Variants in KCNC4 observed in about 807,000 individuals in gnomAD.
KCNC4 encodes the protein potassium voltage-gated channel subfamily C member 4, also known as voltage-gated potassium channel KCNC4.
In KCNC4, 23 loss-of-function variants were observed where a neutral mutation model predicts 42.8. The ratio of observed to expected loss-of-function variants is 0.54; its 90% CI spans 0.39 to 0.76. KCNC4 has a LOEUF of 0.76. KCNC4 is among the 30% of genes least tolerant of loss of function. The probability of loss-of-function intolerance (pLI) is 0.00; values close to 1 mark genes in which losing one functional copy is unlikely to be tolerated. For synonymous variants in KCNC4, 422 were observed against 393.5 expected, an observed-to-expected ratio of 1.07 and a Z score of -0.86; for missense variants, 751 against 898.2, an observed-to-expected ratio of 0.84 and a Z score of 2.10.
Position 110,217,813 on chromosome 1 carries a change from G to A in KCNC4, c.679-5151G>A, listed in dbSNP as rs149015849. Among the ~76,000 whole-genome samples, 112 of 152,254 alleles carry A rather than the reference G, an allele frequency of 7.4e-4. 1 individual carries two copies. The South Asian group carries it at 0.019, about 26-fold the overall frequency. Reference sequence around the variant, plus strand: ...TCTGCTGGGACCTAGGCCTTAGTGCGGGCCCTCAACCAGGAGCCAGGGATA... The same window carrying A: ...TCTGCTGGGACCTAGGCCTTAGTGCAGGCCCTCAACCAGGAGCCAGGGATA... On this transcript the variant is annotated intron_variant, in intron 1 of 3. Coordinates refer to ENST00000438661, the MANE Select transcript of KCNC4 (RefSeq NM_001039574.3).
exon 4 of KCNC4, chr1:110,247,440 G>A (rs893048334): frequency 2.0e-5 from 3 of 152,298 alleles, no homozygotes; most frequent in East Asian, 3.8e-4. Context: ...GAACTTCTGG[G>A]CTTGGGCAGT....
Position 110,211,763 on chromosome 1 carries a change from C to T in KCNC4, c.264C>T (p.Gly88=). The T allele has an allele frequency of 1.9e-6, 3 of 1,609,270 alleles. No individual in the cohort carries two copies. The highest frequency in any genetic ancestry group is 2.5e-6 in the Non-Finnish European group (3 of 1,178,790). ...GGGVGSSGSS[G]GGGCEFFFDR... ...GTGTGGGTAGCAGCGGCAGCAGCGGCGGCGGGGGCTGCGAGTTCTTCTTCG... is the reference window on the plus strand; with the variant it reads ...GTGTGGGTAGCAGCGGCAGCAGCGGTGGCGGGGGCTGCGAGTTCTTCTTCG... Residue 88 remains glycine, a synonymous_variant, in exon 1 of 4, where the codon GGC becomes GGT. Transcript: ENST00000438661. The surrounding 1 kb of genome is among the most constrained non-coding windows in gnomAD (Gnocchi z 6.5).
downstream of KCNC4, among the ~76,000 whole-genome samples, chr1:110,250,878 TGTTCC>T (rs1271637495): frequency 1.3e-5 from 2 of 152,182 alleles, no homozygotes; most frequent in East Asian, 3.9e-4. Context: ...AGCAGGTGGC[TGTTCC>T]TGAAGCCTCA....
intron 1 of KCNC4, among the ~76,000 whole-genome samples, chr1:110,280,267 C>G (rs1317446465): frequency 1.3e-5 from 2 of 152,110 alleles, no homozygotes; most frequent in African/African-American, 4.8e-5. Flanking sequence ...ATACCTAGGC[C>G]AGTGTGCCTC....
chr1:110,228,008 C>A (rs934402751), intron 3 of KCNC4, among the ~76,000 whole-genome samples: 1 of 152,130 alleles, frequency 6.6e-6, no homozygotes, highest in East Asian at 1.9e-4. Flanking sequence ...ATTAGAGTGA[C>A]CTTCGAGAGG....
At chr1:110,272,144 T>C (rs936425531) in intron 1 of KCNC4, among the ~76,000 whole-genome samples, 8 of 152,254 alleles carry the variant, frequency 5.3e-5, no homozygotes, top group Non-Finnish European at 1.0e-4. Flanking sequence ...CTGGACTGCC[T>C]TATGTGTTCT....
At chr1:110,259,413 AATCT>A (rs1294333713) in intron 1 of KCNC4, among the ~76,000 whole-genome samples, 1 of 152,228 alleles carries the variant, frequency 6.6e-6, no homozygotes, top group Non-Finnish European at 1.5e-5. Flanking sequence ...CTTATTCCAG[AATCT>A]TTCCTCCCCT....
At chr1:110,228,132 T>C (rs1162601428) in intron 3 of KCNC4, among the ~76,000 whole-genome samples, 1 of 152,154 alleles carries the variant, frequency 6.6e-6, no homozygotes, top group Non-Finnish European at 1.5e-5. Context: ...GCCGCACTTC[T>C]CCACACTCAG....
intron 1 of KCNC4, among the ~76,000 whole-genome samples, chr1:110,281,555 A>ACACACACACAC (rs71752517): frequency 0.02 from 2,739 of 140,378 alleles, 43 homozygotes; most frequent in Middle Eastern, 0.045. Flanking sequence ...CATATGTAAA[A>ACACACACACAC]ACACACACAC....
intron 1 of KCNC4, among the ~76,000 whole-genome samples, chr1:110,272,230 A>C (rs1659649002): frequency 1.3e-5 from 2 of 152,230 alleles, no homozygotes; most frequent in Admixed American, 6.5e-5. Flanking sequence ...TTGGCTGGTC[A>C]GCAGCCAATC....
chr1:110,240,428 C>G (rs1659006361), exon 4 of KCNC4: 1 of 152,460 alleles, frequency 6.6e-6, no homozygotes. Flanking sequence ...CTCCCCTCAG[C>G]TCCTCATATT....
At chr1:110,256,766 C>G (rs1369616118) in intron 1 of KCNC4, 1 of 154,782 alleles carries the variant, frequency 6.5e-6, no homozygotes, top group Non-Finnish European at 1.5e-5. Flanking sequence ...GAAGGAGGAC[C>G]TGGGCGTGTG....
intron 1 of KCNC4, among the ~76,000 whole-genome samples, chr1:110,262,881 A>G (rs950347321): frequency 6.6e-5 from 10 of 152,152 alleles, no homozygotes; most frequent in Non-Finnish European, 1.3e-4. Flanking sequence ...CGTGATGAGG[A>G]CGTCCTGTCT....
At chr1:110,222,631 T>C (rs1444265081) in intron 1 of KCNC4, 2 of 266,902 alleles carry the variant, frequency 7.5e-6, no homozygotes, top group South Asian at 7.1e-5. Flanking sequence ...AAGATTCCCA[T>C]TGCAGCTTGA....
intron 3 of KCNC4, among the ~76,000 whole-genome samples, chr1:110,226,696 A>G (rs1472167860): frequency 6.6e-6 from 1 of 152,218 alleles, no homozygotes; most frequent in African/African-American, 2.4e-5. Flanking sequence ...TTCCGTCTGC[A>G]AGCACCTAGA....
chr1:110,211,406 C>G lies in KCNC4; in HGVS notation c.-94C>G. The G allele has an allele frequency of 4.7e-6, 7 of 1,477,814 alleles. No homozygotes were observed. Among genetic ancestry groups the G allele is most frequent in the South Asian group, 1.4e-5 (1 of 72,934 alleles). 91.5% of individuals were successfully genotyped at this position (1,477,814 alleles called of 1,614,324 possible). A position where few individuals can be genotyped will look rare whatever the true frequency, so the allele number is the denominator to read the frequency against. ...CCGCCACCGCCTCCTGCCTCCTCTT[C>G]GTCTCCTCCCCCTCCCCCGTCTGAC... On this transcript the variant is annotated 5_prime_UTR_variant, in exon 1 of 4. Coordinates refer to ENST00000438661, the MANE Select transcript of KCNC4 (RefSeq NM_001039574.3). This position sits in a 1 kb window ranked among gnomAD's most constrained non-coding sequence, Gnocchi z 6.5.
chr1:110,267,530 G>A (rs971292327), intron 1 of KCNC4, among the ~76,000 whole-genome samples: 3 of 152,074 alleles, frequency 2.0e-5, no homozygotes, highest in African/African-American at 7.2e-5. Flanking sequence ...TTTACAATCC[G>A]GCTCCTGCTT....
intron 3 of KCNC4, chr1:110,232,426 A>G: frequency 6.7e-7 from 1 of 1,498,116 alleles, no homozygotes; most frequent in Non-Finnish European, 8.9e-7. Context: ...GGGAGAGCTC[A>G]AGTTGGTCAG....
At chr1:110,221,853 G>A (rs1165231169) in intron 1 of KCNC4, 1 of 152,252 alleles carries the variant, frequency 6.6e-6, no homozygotes, top group Non-Finnish European at 1.5e-5. Context: ...CCCCATCAGT[G>A]GGCATCCTGA....
Sources: allele counts gnomAD v4.1 joint callset (sites outside exome capture counted in the v4.1 genomes callset), GRCh38; gene constraint gnomAD v4.1.1; non-coding constraint Gnocchi (gnomAD v3.1); transcripts MANE v1.5; gene names NCBI Gene and HGNC (gene_info 2026-07-23, HGNC 2026-07-21).